CHCHD3: variants seen among roughly 807,000 people sequenced by gnomAD.
CHCHD3 encodes the protein coiled-coil-helix-coiled-coil-helix domain containing 3.
CHCHD3 carries 20 observed loss-of-function variants against 38.2 expected under a neutral mutation model. The observed-to-expected ratio is 0.52, with a 90% CI of 0.37 to 0.76. The LOEUF (loss-of-function observed/expected upper bound fraction) is 0.76, where lower values mean the gene tolerates loss of function less well. CHCHD3 is among the 30% of genes least tolerant of loss of function. CHCHD3 has a pLI of 0.00. For missense variants in CHCHD3, 245 were observed against 279.2 expected (o/e 0.88, Z 0.87); for synonymous variants, 82 against 100.0 (o/e 0.82, Z 1.07).
chr7:133,041,907 T>G (rs1813845603), intron 2 of CHCHD3, among the ~76,000 whole-genome samples: 1 of 152,254 alleles, frequency 6.6e-6, no homozygotes, highest in Non-Finnish European at 1.5e-5. Flanking sequence ...GATACGCTAA[T>G]AGTCCTATGA....
chr7:132,859,351 C>A (rs1474860919), intron 5 of CHCHD3, among the ~76,000 whole-genome samples: 1 of 152,054 alleles, frequency 6.6e-6, no homozygotes, highest in Admixed American at 6.6e-5. Flanking sequence ...TTGTGGATAT[C>A]CAGACACTTG....
At chr7:132,984,797 G>C (rs1812044233) in intron 3 of CHCHD3, among the ~76,000 whole-genome samples, 2 of 141,426 alleles carry the variant, frequency 1.4e-5, no homozygotes, top group Admixed American at 7.0e-5. Flanking sequence ...CAGCCACTCC[G>C]TCTGGGAAGT....
intron 4 of CHCHD3, among the ~76,000 whole-genome samples, chr7:132,901,419 A>C (rs1365092830): frequency 3.9e-5 from 6 of 152,204 alleles, no homozygotes; most frequent in African/African-American, 1.4e-4. Flanking sequence ...AGGTGACTGA[A>C]GAGAGACATG....
At chr7:133,020,079 T>C (rs1457879491) in intron 3 of CHCHD3, among the ~76,000 whole-genome samples, 1 of 152,124 alleles carries the variant, frequency 6.6e-6, no homozygotes, top group Non-Finnish European at 1.5e-5. Flanking sequence ...AGCAAAACCA[T>C]GATTTCAAAT....
At chr7:133,019,409 C>T (rs911484824) in intron 3 of CHCHD3, among the ~76,000 whole-genome samples, 4 of 151,974 alleles carry the variant, frequency 2.6e-5, no homozygotes, top group Admixed American at 1.3e-4. Flanking sequence ...GTATGAGAAA[C>T]TAAAAGGTAC....
At chr7:133,079,533 A>G (rs1379601811) in intron 1 of CHCHD3, among the ~76,000 whole-genome samples, 1 of 152,220 alleles carries the variant, frequency 6.6e-6, no homozygotes, top group Non-Finnish European at 1.5e-5. Context: ...ATGAAAATCT[A>G]CAATGTGCCA....
chr7:132,960,022 T>C (rs1001058773), intron 4 of CHCHD3, among the ~76,000 whole-genome samples: 18 of 152,148 alleles, frequency 1.2e-4, no homozygotes, highest in African/African-American at 4.3e-4. Flanking sequence ...AAACTTGCAG[T>C]CTTGGCAAGT....
intron 6 of CHCHD3, among the ~76,000 whole-genome samples, chr7:132,825,836 C>G (rs1223932122): frequency 6.6e-6 from 1 of 152,194 alleles, no homozygotes; most frequent in African/African-American, 2.4e-5. Context: ...AACATGGTAA[C>G]AGATCAAGGA....
intron 3 of CHCHD3, among the ~76,000 whole-genome samples, chr7:133,007,395 T>G (rs964388745): frequency 6.6e-6 from 1 of 152,276 alleles, no homozygotes; most frequent in Non-Finnish European, 1.5e-5. Flanking sequence ...TTAAACTGAC[T>G]TCTAAGTTGG....
chr7:132,966,349 T>C (rs1234053917), intron 4 of CHCHD3, among the ~76,000 whole-genome samples: 2 of 152,140 alleles, frequency 1.3e-5, no homozygotes, highest in African/African-American at 4.8e-5. Context: ...TACATGAAGA[T>C]AGCTGCCACC....
At chr7:133,074,362 G>A (rs982843880) in intron 1 of CHCHD3, among the ~76,000 whole-genome samples, 9 of 152,098 alleles carry the variant, frequency 5.9e-5, no homozygotes, top group South Asian at 4.1e-4. Flanking sequence ...AAAAAACTAC[G>A]ACTCCCTTCT....
At chr7:132,992,857 A>C (rs566863602) in intron 3 of CHCHD3, among the ~76,000 whole-genome samples, 3 of 152,188 alleles carry the variant, frequency 2.0e-5, no homozygotes, top group Non-Finnish European at 2.9e-5. Flanking sequence ...TCTCTATAAA[A>C]ATAACTGGTG....
At chr7:133,036,161 T>TA (rs1438466293) in intron 2 of CHCHD3, among the ~76,000 whole-genome samples, 13 of 152,172 alleles carry the variant, frequency 8.5e-5, no homozygotes, top group African/African-American at 2.9e-4. Flanking sequence ...CCCATCCTGT[T>TA]AGTGTAAGTA....
chr7:132,938,827 G>A (rs188213988), intron 4 of CHCHD3, among the ~76,000 whole-genome samples: 65 of 149,768 alleles, frequency 4.3e-4, no homozygotes, highest in African/African-American at 1.5e-3. Context: ...GCTCCAAGAG[G>A]AGATGCGGCT....
chr7:133,034,865 C>G lies in CHCHD3; in HGVS notation c.170-10238G>C, dbSNP rs768978685. ...TGACACTGGCGAAGGCATTCTTCCT[C>G]AGCTTGTCCAGTCGCTGGAACATTC... On this transcript the variant is annotated intron_variant, in intron 2 of 7. Transcript: ENST00000262570. The G allele has an allele frequency of 5.6e-6, 9 of 1,609,908 alleles. No homozygotes were observed. In the African/African-American group the frequency reaches 9.4e-5, roughly 17 times the overall value.
At chr7:133,062,847 C>A (rs1402423072) in intron 2 of CHCHD3, among the ~76,000 whole-genome samples, 2 of 152,092 alleles carry the variant, frequency 1.3e-5, no homozygotes, top group East Asian at 3.9e-4. Flanking sequence ...AGCACCAATG[C>A]AAAGTCCCTG....
At chr7:132,937,273 G>T (rs1426002528) in intron 4 of CHCHD3, among the ~76,000 whole-genome samples, 1 of 152,058 alleles carries the variant, frequency 6.6e-6, no homozygotes, top group African/African-American at 2.4e-5. Flanking sequence ...AGAAAGATTT[G>T]GATTTGCTCA....
chr7:133,012,090 T>A (rs1022550345), intron 3 of CHCHD3, among the ~76,000 whole-genome samples: 1 of 152,208 alleles, frequency 6.6e-6, no homozygotes, highest in African/African-American at 2.4e-5. Flanking sequence ...ACTAGCATTA[T>A]CCACATTTTC....
intron 5 of CHCHD3, among the ~76,000 whole-genome samples, chr7:132,860,745 G>A (rs1808469730): frequency 6.6e-6 from 1 of 151,966 alleles, no homozygotes; most frequent in African/African-American, 2.4e-5. Context: ...TCCTGCCTCG[G>A]CCTCCCAAAT....
Sources: gnomAD v4.1 joint callset for allele counts (sites outside exome capture counted in the v4.1 genomes callset) on GRCh38, gnomAD v4.1.1 for gene constraint, MANE v1.5 for transcripts, NCBI Gene and HGNC (gene_info 2026-07-23, HGNC 2026-07-21) for gene names.